Variants in LIPI observed in about 807,000 individuals in gnomAD.
LIPI encodes lipase member I.
A neutral mutation model predicts 50.6 loss-of-function variants in LIPI; 59 were observed. The ratio of observed to expected loss-of-function variants is 1.16; its 90% CI spans 0.94 to 1.45. The LOEUF is 1.45. Among genes scored for constraint, LIPI ranks in the 40% most tolerant of loss-of-function variants. The pLI, the probability that LIPI is intolerant of heterozygous loss-of-function variation, is 0.00. For missense variants in LIPI, 586 were observed against 536.3 expected (o/e 1.09, Z -0.92); for synonymous variants, 203 against 178.2 (o/e 1.14, Z -1.11).
intron 4 of LIPI, among the ~76,000 whole-genome samples, chr21:14,168,554 G>A (rs192791170): frequency 0.014 from 2,185 of 152,258 alleles, 49 homozygotes; most frequent in African/African-American, 0.049. Context: ...AGTGGGGGCC[G>A]ATATTCAACA....
intron 7 of LIPI, among the ~76,000 whole-genome samples, chr21:14,153,508 C>T (rs2018171288): frequency 6.6e-6 from 1 of 152,146 alleles, no homozygotes; most frequent in South Asian, 2.1e-4. Context: ...TTAAGCCACC[C>T]TCCCACTATA....
At chr21:14,132,119 A>T (rs187247662) in intron 9 of LIPI, among the ~76,000 whole-genome samples, 171 of 152,318 alleles carry the variant, frequency 1.1e-3, no homozygotes, top group Non-Finnish European at 4.3e-4. Flanking sequence ...AAGAAGGAGG[A>T]GAGATCACAA....
rs528185750 is a variant in LIPI, at chr21:14,121,285, T to G, written c.1296-12205A>C. ...TATCAACCACAAAGTTCTGGAAAGG[T>G]TGAGAGAATGAACAAGACACCGAAA... On this transcript the variant is annotated intron_variant, in intron 9 of 9. Coordinates refer to ENST00000681601, the MANE Select transcript of LIPI (RefSeq NM_001302998.2). Among the ~76,000 whole-genome samples the G allele has an allele frequency of 1.2e-4, 19 of 152,032 alleles. 2 individuals carry two copies. The South Asian group carries it at 1.3e-3, about 10-fold the overall frequency.
At chr21:14,180,073 G>T (rs1012553714) in intron 4 of LIPI, among the ~76,000 whole-genome samples, 4 of 152,024 alleles carry the variant, frequency 2.6e-5, no homozygotes, top group Admixed American at 2.0e-4. Flanking sequence ...ATAAATGGCC[G>T]CTCTGGGAAT....
chr21:14,145,393 CT>C lies in LIPI; in HGVS notation c.1119-595del, dbSNP rs2017865765. 2.6e-5 allele frequency among the ~76,000 whole-genome samples: 4 copies of C among 152,252 alleles called. No homozygotes were observed. In the South Asian group the frequency reaches 8.3e-4, roughly 32 times the overall value. ...ACTGAGCATCAGAGCATATAAATGT[CT>C]TTCCCAAAGCCACACAGCTAATAAT... On this transcript the variant is annotated intron_variant, in intron 8 of 9. Coordinates refer to ENST00000681601, the MANE Select transcript of LIPI (RefSeq NM_001302998.2).
At chr21:14,167,540 C>G (rs1435332572) in intron 4 of LIPI, among the ~76,000 whole-genome samples, 1 of 152,212 alleles carries the variant, frequency 6.6e-6, no homozygotes, top group African/African-American at 2.4e-5. Context: ...GATCAGACAG[C>G]AGCATTCGCA....
intron 9 of LIPI, among the ~76,000 whole-genome samples, chr21:14,127,891 G>A (rs564787093): frequency 6.6e-6 from 1 of 151,948 alleles, no homozygotes; most frequent in Non-Finnish European, 1.5e-5. Context: ...CATATGTATA[G>A]ATATTAACTA....
At chr21:14,141,550 T>TA (rs2017708992) in intron 9 of LIPI, among the ~76,000 whole-genome samples, 1 of 152,194 alleles carries the variant, frequency 6.6e-6, no homozygotes, top group African/African-American at 2.4e-5. Context: ...ATAAATCTTT[T>TA]AAAAAGTCAA....
At chr21:14,138,960 G>A (rs1279561799) in intron 9 of LIPI, among the ~76,000 whole-genome samples, 1 of 151,874 alleles carries the variant, frequency 6.6e-6, no homozygotes, top group East Asian at 1.9e-4. Context: ...TACAGGTAAG[G>A]AAAATGAGGC....
At chr21:14,201,326 C>T (rs2020044702) in intron 1 of LIPI, among the ~76,000 whole-genome samples, 1 of 152,070 alleles carries the variant, frequency 6.6e-6, no homozygotes, top group African/African-American at 2.4e-5. Context: ...AAACAACCTA[C>T]AGAATGGGAG....
chr21:14,206,993 G>A (rs1299467958), intron 1 of LIPI: 4 of 1,060,828 alleles, frequency 3.8e-6, no homozygotes, highest in South Asian at 2.5e-5. Context: ...AGACCCTTTT[G>A]GGCCAGCAGA....
rs566547761 is a variant in LIPI, at chr21:14,167,944, C to T, written c.644-1493G>A. 9.5e-4 allele frequency among the ~76,000 whole-genome samples: 145 copies of T among 152,176 alleles called. 1 individual carries two copies. Among genetic ancestry groups the T allele is most frequent in the African/African-American group, 3.0e-3 (123 of 41,520 alleles). The stretch of plus-strand genomic sequence containing the variant: ...ACTACGGGAGGACATTCAAACCAAA[C>T]GCAAAGAAGTTGAAAACTTTGAAAA... On this transcript the variant is annotated intron_variant, in intron 4 of 9. Transcript: ENST00000681601.
chr21:14,181,107 A>C (rs940057343), intron 4 of LIPI, among the ~76,000 whole-genome samples: 1 of 152,186 alleles, frequency 6.6e-6, no homozygotes, highest in Non-Finnish European at 1.5e-5. Flanking sequence ...GAATTCACTA[A>C]TTAATTCATA....
At chr21:14,189,918 G>A (rs1056468107) in intron 1 of LIPI, among the ~76,000 whole-genome samples, 3 of 151,918 alleles carry the variant, frequency 2.0e-5, no homozygotes, top group East Asian at 3.9e-4. Context: ...TAACATGAAT[G>A]TTGAGATCAT....
chr21:14,144,505 G>C (rs2017829707), intron 9 of LIPI, 118 bp downstream of exon 9: 1 of 553,084 alleles, frequency 1.8e-6, no homozygotes, highest in African/African-American at 1.9e-5. Flanking sequence ...GTAAAATATA[G>C]TCTGAAATAC....
rs560800762 is a variant in LIPI, at chr21:14,122,478, A to G, written c.1296-13398T>C. ...TATTACCTTATTCACATAAAGAATC[A>G]GTTTCTATATATTTTGATGCCTGTC... is the stretch of plus-strand genomic sequence containing the variant. On this transcript the variant is annotated intron_variant, in intron 9 of 9. Transcript: ENST00000681601. Among the ~76,000 whole-genome samples the G allele has an allele frequency of 1.6e-4, 24 of 152,360 alleles. 2 individuals carry two copies. Among genetic ancestry groups the G allele is most frequent in the South Asian group, 1.2e-3 (6 of 4,832 alleles).
intron 3 of LIPI, among the ~76,000 whole-genome samples, chr21:14,185,061 C>CA (rs1308690395): frequency 6.6e-6 from 1 of 151,204 alleles, no homozygotes. Context: ...TTTTTCAAAA[C>CA]AAAAAAGGTA....
intron 4 of LIPI, among the ~76,000 whole-genome samples, chr21:14,172,733 G>T (rs2018961758): frequency 6.6e-6 from 1 of 151,874 alleles, no homozygotes; most frequent in Admixed American, 6.6e-5. Flanking sequence ...GGGGAAGGGG[G>T]GAGGGATAGC....
At chr21:14,198,525 A>G (rs1326167242) in intron 1 of LIPI, among the ~76,000 whole-genome samples, 1 of 152,140 alleles carries the variant, frequency 6.6e-6, no homozygotes, top group Non-Finnish European at 1.5e-5. Context: ...AAGACAAAAC[A>G]TTACATAATG....
Sources: gnomAD v4.1 joint callset for allele counts (sites outside exome capture counted in the v4.1 genomes callset) on GRCh38, gnomAD v4.1.1 for gene constraint, MANE v1.5 for transcripts, NCBI Gene and HGNC (gene_info 2026-07-23, HGNC 2026-07-21) for gene names.